Variants in AQR observed in about 807,000 individuals in gnomAD.
The protein encoded by AQR is RNA helicase aquarius.
Under a neutral mutation model 180.5 loss-of-function variants are expected in AQR, and 61 were observed. The observed-to-expected ratio is 0.34, with a 90% CI of 0.28 to 0.42. The LOEUF (loss-of-function observed/expected upper bound fraction) is 0.42. Ranked by LOEUF, AQR falls within the 10% of genes least tolerant of loss-of-function variation. The pLI is 1.00. For missense variants in AQR, 1,281 were observed against 1,798.3 expected, an observed-to-expected ratio of 0.71 and a Z score of 5.20; for synonymous variants, 551 against 588.8, an observed-to-expected ratio of 0.94 and a Z score of 0.93.
intron 6 of AQR, chr15:34,943,278 C>G: frequency 6.3e-7 from 1 of 1,590,636 alleles, no homozygotes; most frequent in Non-Finnish European, 8.6e-7. Flanking sequence ...AAAGATTGTG[C>G]TAAGGCTTGA....
intron 18 of AQR, among the ~76,000 whole-genome samples, chr15:34,905,643 C>A (rs1424289536): frequency 6.7e-6 from 1 of 150,138 alleles, no homozygotes; most frequent in African/African-American, 2.5e-5. Context: ...GTATTGTTCC[C>A]AATTAAGAAC....
Position 34,932,046 on chromosome 15 carries a change from A to T in AQR, c.900+272T>A, listed in dbSNP as rs2123050. ...TTAAAATTAATGCTCATCAGCTACT[A>T]TATTTCACATAAAATCAAAACTTGT... On this transcript the variant is annotated intron_variant, in intron 11 of 34. Transcript: ENST00000156471. Among the ~76,000 whole-genome samples the T allele has an allele frequency of 0.45, 68,518 of 152,110 alleles. 18,663 individuals are homozygous for T. Among genetic ancestry groups the T allele is most frequent in the Non-Finnish European group, 0.62 (41,862 of 67,982 alleles).
rs764422866 is a variant in AQR, at chr15:34,940,976, T to C, written c.564A>G (p.Lys188=). Residue 188 remains lysine (K), a synonymous_variant, in exon 8 of 35, where the codon AAA becomes AAG. Transcript: ENST00000156471. ...LQLARLELEL[K]KTPKLRKFWN... ...AGAATTTTCTTAGCTTAGGTGTCTT[T>C]TTTAATTCTAATTCCAATCGTGCCT... 3.7e-6 allele frequency: 6 copies of C among 1,607,612 alleles called. No homozygotes were observed. The highest frequency in any genetic ancestry group is 5.1e-6 in the Non-Finnish European group (6 of 1,176,958).
In AQR at chr15:34,893,888, C is replaced by T; in HGVS notation, c.2461-115G>A. 4 of 790,926 alleles carry T rather than the reference C, an allele frequency of 5.1e-6. No individual in the cohort carries two copies. In the East Asian group the frequency reaches 1.0e-4, roughly 20 times the overall value. The allele number at this position is 790,926 out of a possible 1,614,324, so 49.0% of individuals were successfully genotyped here. A position where few individuals can be genotyped will look rare whatever the true frequency, so the allele number is the denominator to read the frequency against. On this transcript the variant is annotated intron_variant, in intron 22 of 34. Coordinates refer to ENST00000156471, the MANE Select transcript of AQR (RefSeq NM_014691.3). Reference sequence around the variant, plus strand: ...AAATTAACAAATTCAGTAGATGGGCCCAATAACAGAATGAACAGGATAGAA... The same window carrying T: ...AAATTAACAAATTCAGTAGATGGGCTCAATAACAGAATGAACAGGATAGAA...
intron 5 of AQR, among the ~76,000 whole-genome samples, chr15:34,946,396 CCCGCCCGG>C (rs1894113821): frequency 1.3e-5 from 2 of 151,256 alleles, no homozygotes; most frequent in African/African-American, 2.4e-5. Context: ...GGGTCAGCCC[CCCGCCCGG>C]CCAGCCGCCC....
intron 18 of AQR, 68 bp from the exon 19 acceptor site, chr15:34,904,573 ATTTCT>A: frequency 2.8e-6 from 4 of 1,426,972 alleles, no homozygotes; most frequent in Non-Finnish European, 3.8e-6. Flanking sequence ...AGTTAACAGT[ATTTCT>A]TTTCTAGAAA....
intron 21 of AQR, 35 bp from the exon 22 acceptor site, chr15:34,897,001 TA>T: frequency 6.6e-7 from 1 of 1,510,058 alleles, no homozygotes; most frequent in Non-Finnish European, 9.2e-7. Flanking sequence ...TTGGTACAGA[TA>T]AATGATGCTT....
In AQR at chr15:34,873,832, T is replaced by A. The variant is rs762410262; in HGVS notation, c.3593A>T (p.Tyr1198Phe). The A allele has an allele frequency of 5.1e-6, 8 of 1,570,360 alleles. No homozygotes were observed. The Admixed American group carries it at 1.5e-4, about 29-fold the overall frequency. ...VGESEPNPYF[Y>F]QNLGEAEYVV... ...AAGCTTCCTATTTTTTCTTACCTGATAGAAGTAAGGATTAGGTTCAGATTC... is the reference window on the plus strand; with the variant it reads ...AAGCTTCCTATTTTTTCTTACCTGAAAGAAGTAAGGATTAGGTTCAGATTC... Residue 1198 changes from tyrosine to phenylalanine, a missense_variant, in exon 30 of 35, where the codon TAT becomes TTT. Transcript: ENST00000156471.
intron 5 of AQR, among the ~76,000 whole-genome samples, chr15:34,947,209 A>AC (rs1460789106): frequency 8.6e-5 from 13 of 151,494 alleles, no homozygotes. Context: ...CGGTGACCTT[A>AC]CCCCCAACCC....
chr15:34,964,661 T>C (rs8031861), intron 1 of AQR, among the ~76,000 whole-genome samples: 93,190 of 151,860 alleles, frequency 0.61, 30,856 homozygotes, highest in South Asian at 0.75. Context: ...AGTTAGTTAA[T>C]AGTTGAGCAA....
At chr15:34,874,346 G>A in intron 29 of AQR, 1 of 338,736 alleles carries the variant, frequency 3.0e-6, no homozygotes, top group Non-Finnish European at 5.3e-6. Context: ...GAATTGGTGT[G>A]TTCTCCTCTT....
chr15:34,929,349 CTTGAG>C (rs1045443601), intron 12 of AQR, among the ~76,000 whole-genome samples: 37 of 152,086 alleles, frequency 2.4e-4, no homozygotes, highest in African/African-American at 8.5e-4. Context: ...TTTAATCCAC[CTTGAG>C]TTAATTTTTG....
chr15:34,933,243 C>T (rs1041185737), intron 10 of AQR, among the ~76,000 whole-genome samples: 1 of 152,166 alleles, frequency 6.6e-6, no homozygotes, highest in Non-Finnish European at 1.5e-5. Flanking sequence ...AAGTTAGTTA[C>T]TGGCAGAGCT....
chr15:34,961,949 G>GT (rs1019551719), intron 2 of AQR, among the ~76,000 whole-genome samples: 2 of 150,142 alleles, frequency 1.3e-5, no homozygotes, highest in African/African-American at 2.4e-5. Flanking sequence ...ATTAATAATA[G>GT]TAAAAAAAAA....
chr15:34,867,805 T>G, intron 31 of AQR, 196 bp from the exon 32 acceptor site: 1 of 467,086 alleles, frequency 2.1e-6, no homozygotes, highest in South Asian at 2.7e-5. Flanking sequence ...AACTACATCC[T>G]TATGTTATTA....
At chr15:34,890,966 C>G (rs528094449) in intron 23 of AQR, among the ~76,000 whole-genome samples, 7 of 152,154 alleles carry the variant, frequency 4.6e-5, no homozygotes, top group African/African-American at 1.4e-4. Flanking sequence ...TACAGAAAGG[C>G]AAAAGTTTCA....
At chr15:34,870,692 T>C in intron 31 of AQR, 60 bp downstream of exon 31, 2 of 1,482,156 alleles carry the variant, frequency 1.3e-6, no homozygotes, top group South Asian at 2.6e-5. Flanking sequence ...CAGAACAATA[T>C]AAACCTTTCC....
intron 34 of AQR, 52 bp downstream of exon 34, chr15:34,859,990 A>G (rs2140456725): frequency 1.0e-6 from 1 of 999,608 alleles, no homozygotes; most frequent in Admixed American, 3.0e-5. Context: ...TCTGAAAAAA[A>G]GAAAATTATT....
chr15:34,943,243 T>A (rs747319990), intron 6 of AQR: 1 of 1,609,374 alleles, frequency 6.2e-7, no homozygotes, highest in Non-Finnish European at 8.5e-7. Flanking sequence ...ACTAAGCCAA[T>A]TTTCTGGAAA....
Sources: gnomAD v4.1 joint callset for allele counts (sites outside exome capture counted in the v4.1 genomes callset) on GRCh38, gnomAD v4.1.1 for gene constraint, MANE v1.5 for transcripts, NCBI Gene and HGNC (gene_info 2026-07-23, HGNC 2026-07-21) for gene names.